Variants in ACAD10 observed in about 807,000 individuals in gnomAD.
ACAD10 encodes the protein acyl-CoA dehydrogenase family member 10.
ACAD10 carries 112 observed loss-of-function variants against 116.8 expected under a neutral mutation model. The observed-to-expected ratio is 0.96, with a 90% CI of 0.82 to 1.12. The LOEUF (loss-of-function observed/expected upper bound fraction) is 1.12. Among genes scored for constraint, ACAD10 ranks in the 50% most tolerant of loss-of-function variants. The pLI is 0.00. For synonymous variants in ACAD10, 486 were observed against 510.6 expected, an observed-to-expected ratio of 0.95 and a Z score of 0.65; for missense variants, 1,259 against 1,350.2, an observed-to-expected ratio of 0.93 and a Z score of 1.06.
At chr12:111,700,255 A>G (rs1283606970) in intron 2 of ACAD10, among the ~76,000 whole-genome samples, 5 of 152,322 alleles carry the variant, frequency 3.3e-5, no homozygotes, top group Admixed American at 6.5e-5. Context: ...GCAAGTTTAT[A>G]TGTTTTAACA....
At chr12:111,749,551 C>T (rs1890012585) in intron 18 of ACAD10, 10 of 664,952 alleles carry the variant, frequency 1.5e-5, no homozygotes, top group Non-Finnish European at 2.5e-5. Flanking sequence ...CCCACTCTGT[C>T]GAGGTGACCT....
At chr12:111,726,797 G>A (rs968840086) in intron 8 of ACAD10, among the ~76,000 whole-genome samples, 4 of 151,932 alleles carry the variant, frequency 2.6e-5, no homozygotes, top group African/African-American at 9.7e-5. Flanking sequence ...GGAGGCGGAG[G>A]TTGCAGTGAG....
At chr12:111,717,740 TG>T (rs1566151298) in intron 7 of ACAD10, among the ~76,000 whole-genome samples, 1 of 152,078 alleles carries the variant, frequency 6.6e-6, no homozygotes, top group Non-Finnish European at 1.5e-5. Flanking sequence ...AAAATTTTTT[TG>T]TAGAGATGGG....
intron 18 of ACAD10, 119 bp downstream of exon 18, chr12:111,749,464 T>A: frequency 1.5e-6 from 2 of 1,329,566 alleles, no homozygotes; most frequent in Non-Finnish European, 2.0e-6. Context: ...CAAGGTGATG[T>A]CCTTGCCAAG....
At chr12:111,709,710 C>A in intron 5 of ACAD10, 26 bp downstream of exon 5, 1 of 1,591,762 alleles carries the variant, frequency 6.3e-7, no homozygotes. Flanking sequence ...TTTTGAACTC[C>A]CTCCCATGCA....
intron 7 of ACAD10, among the ~76,000 whole-genome samples, chr12:111,716,327 C>A (rs1888846647): frequency 6.6e-6 from 1 of 151,806 alleles, no homozygotes; most frequent in Non-Finnish European, 1.5e-5. Context: ...GTTACTGTGG[C>A]ATCATTGCAC....
chr12:111,746,454 C>A (rs1468080930), intron 14 of ACAD10, among the ~76,000 whole-genome samples, 170 bp downstream of exon 14: 1 of 151,482 alleles, frequency 6.6e-6, no homozygotes, highest in African/African-American at 2.4e-5. Flanking sequence ...GTGGCGAAAT[C>A]TTGGCGCACT....
At chr12:111,715,574 T>A in intron 6 of ACAD10, 1 of 457,314 alleles carries the variant, frequency 2.2e-6, no homozygotes, top group Non-Finnish European at 3.9e-6. Flanking sequence ...ACTGAGAAAA[T>A]TACTGTGGTA....
chr12:111,705,369 G>C (rs1055258377), intron 3 of ACAD10, among the ~76,000 whole-genome samples: 7 of 151,974 alleles, frequency 4.6e-5, no homozygotes, highest in Non-Finnish European at 5.9e-5. Flanking sequence ...GGGACCACAG[G>C]TATGTGCCAC....
intron 1 of ACAD10, among the ~76,000 whole-genome samples, chr12:111,687,446 C>T (rs577953525): frequency 1.3e-5 from 2 of 152,214 alleles, no homozygotes; most frequent in East Asian, 1.9e-4. Context: ...AGTAGCACCT[C>T]TCCCCAGGTG....
intron 5 of ACAD10, among the ~76,000 whole-genome samples, chr12:111,711,201 TTTG>T (rs138493229): frequency 1.5e-4 from 23 of 152,210 alleles, no homozygotes; most frequent in African/African-American, 4.6e-4. Context: ...TGCTAAATTT[TTTG>T]TTGTTGTTGT....
At chr12:111,717,096 G>T (rs1010190688) in intron 7 of ACAD10, among the ~76,000 whole-genome samples, 1 of 152,000 alleles carries the variant, frequency 6.6e-6, no homozygotes, top group African/African-American at 2.4e-5. Flanking sequence ...ATTTACAACT[G>T]GGAAAAGTAA....
At chr12:111,738,134 G>A (rs1235021400) in intron 12 of ACAD10, among the ~76,000 whole-genome samples, 1 of 152,134 alleles carries the variant, frequency 6.6e-6, no homozygotes, top group African/African-American at 2.4e-5. Flanking sequence ...TGGGATTACA[G>A]GCATGAGCCA....
intron 2 of ACAD10, among the ~76,000 whole-genome samples, chr12:111,697,104 G>T (rs529115002): frequency 1.7e-4 from 26 of 150,504 alleles, no homozygotes; most frequent in Admixed American, 1.3e-3. Context: ...AATTGGGCAT[G>T]GTAGTCCATG....
chr12:111,705,874 AT>A lies in ACAD10; in HGVS notation c.478del (p.Tyr160IlefsTer18). The A allele has an allele frequency of 6.2e-7, 1 of 1,614,084 alleles. No individual in the cohort carries two copies. Among genetic ancestry groups the A allele is most frequent in the Non-Finnish European group, 8.5e-7 (1 of 1,180,006 alleles). On this transcript the variant is annotated frameshift_variant, in exon 4 of 21. Coordinates refer to ENST00000313698, the MANE Select transcript of ACAD10 (RefSeq NM_025247.6). LOFTEE classifies it high-confidence loss of function. ...CTTCAGACTGCAGTCTTGAGCAATA[AT>A]TTTTATCTTCCCAACCAGAAAAGCT... ...KGLQTAVLSN[N>X]FYLPNQKSFL... is the part of the protein sequence containing the mutation.
intron 16 of ACAD10, chr12:111,747,847 A>G (rs1889958408): frequency 6.3e-6 from 5 of 793,390 alleles, no homozygotes; most frequent in South Asian, 9.9e-5. Flanking sequence ...CTCCCTGGAC[A>G]TTAAGAATGA....
Position 111,744,963 on chromosome 12 carries a change from T to C in ACAD10, c.2035T>C (p.Tyr679His). Residue 679 changes from tyrosine (Y) to histidine (H), a missense_variant, in exon 13 of 21, where the codon TAC (tyrosine) becomes CAC (histidine). Coordinates refer to ENST00000313698, the MANE Select transcript of ACAD10 (RefSeq NM_025247.6). ...GAAGCACTTCATGGAGCAACGTGTG[T>C]ACCCTGCAGAGCCAGAGCTGCAGAG... ...RLKHFMEQRVYPAEPELQSHQ... is the reference protein window; with the variant it reads ...RLKHFMEQRVHPAEPELQSHQ... The C allele has an allele frequency of 6.2e-7, 1 of 1,614,118 alleles. No individual in the cohort carries two copies. The highest frequency in any genetic ancestry group is 8.5e-7 in the Non-Finnish European group (1 of 1,180,024).
rs765319506 is a variant in ACAD10, at chr12:111,709,600, C to T, written c.606C>T (p.Gly202=). The change falls in exon 5 of 21, where the codon GGC becomes GGT. Residue 202 remains glycine (G), a synonymous_variant. Coordinates refer to ENST00000313698, the MANE Select transcript of ACAD10 (RefSeq NM_025247.6). ...ACAAGCTGTGCTTGGAGCAGCTCGG[C>T]CTGCAGCCCTCTGAGTCCATCTTTC... is the stretch of plus-strand genomic sequence containing the variant. ...RIYKLCLEQL[G]LQPSESIFLD... is the part of the protein sequence containing the mutation. 1 of 1,614,080 alleles carries T rather than the reference C, an allele frequency of 6.2e-7. No homozygotes were observed. Among genetic ancestry groups the T allele is most frequent in the Non-Finnish European group, 8.5e-7 (1 of 1,179,978 alleles).
intron 16 of ACAD10, 34 bp from the exon 17 acceptor site, chr12:111,748,283 G>C: frequency 1.2e-6 from 2 of 1,611,424 alleles, no homozygotes; most frequent in Non-Finnish European, 1.7e-6. Context: ...CCTGGTGTCA[G>C]ATGATGGGGT....
Sources: allele counts gnomAD v4.1 joint callset (sites outside exome capture counted in the v4.1 genomes callset), GRCh38; gene constraint gnomAD v4.1.1; transcripts MANE v1.5; gene names NCBI Gene and HGNC (gene_info 2026-07-23, HGNC 2026-07-21).